Variants in TXNDC12 observed in about 807,000 individuals in gnomAD.
TXNDC12 encodes thioredoxin domain-containing protein 12.
Under a neutral mutation model 24.2 loss-of-function variants are expected in TXNDC12, and 22 were observed. The observed-to-expected ratio is 0.91, with a 90% CI of 0.65 to 1.30. The LOEUF (loss-of-function observed/expected upper bound fraction) is 1.30, where lower values mean the gene tolerates loss of function less well. Ranked by LOEUF, TXNDC12 falls within the 50% of genes most tolerant of loss-of-function variation. The pLI is 0.00. For missense variants in TXNDC12, 184 were observed against 205.8 expected, an observed-to-expected ratio of 0.89 and a Z score of 0.65; for synonymous variants, 58 against 73.4, an observed-to-expected ratio of 0.79 and a Z score of 1.07.
intron 2 of TXNDC12, among the ~76,000 whole-genome samples, chr1:52,029,680 C>T (rs1189562388): frequency 6.6e-6 from 1 of 152,230 alleles, no homozygotes; most frequent in Non-Finnish European, 1.5e-5. Context: ...ATATCCTTTA[C>T]ATCTGACACA....
rs3075033 is a variant in TXNDC12, at chr1:52,042,464, C to CTTTT, written c.98-871_98-868dup. Among the ~76,000 whole-genome samples the CTTTT allele has an allele frequency of 2.1e-5, 3 of 140,644 alleles. No homozygotes were observed. The East Asian group carries it at 6.1e-4, about 29-fold the overall frequency. The allele number at this position is 140,644 out of a possible 152,430, so 92.3% of individuals were successfully genotyped here. ...ATATACACCCTATACTATACTTTCA[C>CTTTT]TTTTTTTTTTTTTTTTGAGATAGAG... is the stretch of plus-strand genomic sequence containing the variant. On this transcript the variant is annotated intron_variant, in intron 1 of 6. Transcript: ENST00000371626.
chr1:52,037,077 T>C (rs1163137119), intron 2 of TXNDC12, among the ~76,000 whole-genome samples: 1 of 152,186 alleles, frequency 6.6e-6, no homozygotes, highest in Non-Finnish European at 1.5e-5. Flanking sequence ...TTCTCTTTAT[T>C]GCAGTTCTCT....
intron 1 of TXNDC12, among the ~76,000 whole-genome samples, chr1:52,044,853 T>A (rs1428859282): frequency 1.3e-5 from 2 of 151,904 alleles, no homozygotes; most frequent in Admixed American, 1.3e-4. Context: ...TGCAAGCCAA[T>A]AGTCCCAGCT....
Position 52,028,629 on chromosome 1 carries a change from C to G in TXNDC12, c.160G>C (p.Gly54Arg). 6.2e-7 allele frequency: 1 copy of G among 1,608,750 alleles called. No individual in the cohort carries two copies. Among genetic ancestry groups the G allele is most frequent in the Non-Finnish European group, 8.5e-7 (1 of 1,178,134 alleles). Reference sequence around the variant, plus strand: ...TGAATAATCACCATCAGGGGCAGTCCACTTAAAAGCAAAACAAAGAAATTA... The same window carrying G: ...TGAATAATCACCATCAGGGGCAGTCGACTTAAAAGCAAAACAAAGAAATTA... ...EDGKKEAAAS[G>R]LPLMVIIHKS... Residue 54 changes from glycine (G) to arginine (R), a missense_variant and splice_region_variant, in exon 3 of 7, where the codon GGA becomes CGA. Gly to Arg is a moderately radical substitution (Grantham distance 125). Coordinates refer to ENST00000371626, the MANE Select transcript of TXNDC12 (RefSeq NM_015913.4).
rs372033675 is a variant in TXNDC12 at position 52,044,940 on chromosome 1, A to G, written c.98-3343T>C. 5.3e-5 allele frequency among the ~76,000 whole-genome samples: 8 copies of G among 151,168 alleles called. No individual in the cohort carries two copies. The East Asian group carries it at 1.2e-3, about 22-fold the overall frequency. On this transcript the variant is annotated intron_variant, in intron 1 of 6. Coordinates refer to ENST00000371626, the MANE Select transcript of TXNDC12 (RefSeq NM_015913.4). ...CAGTGAGTTGAGATCACGCCACCAC[A>G]CTCCAGCCTGGGTGACAGAGCAAGA...
rs555193307 is a variant in TXNDC12 at position 52,038,618 on chromosome 1, T to C, written c.158+2919A>G. 2.0e-5 allele frequency among the ~76,000 whole-genome samples: 3 copies of C among 152,304 alleles called. No homozygotes were observed. The South Asian group carries it at 6.2e-4, about 32-fold the overall frequency. ...ACACTGCGCCCAGCCTGTCTTGACA[T>C]TTTTTAAGCCAAACCTCTTTCTAAA... is the stretch of plus-strand genomic sequence containing the variant. On this transcript the variant is annotated intron_variant, in intron 2 of 6. Coordinates refer to ENST00000371626, the MANE Select transcript of TXNDC12 (RefSeq NM_015913.4).
intron 6 of TXNDC12, 67 bp downstream of exon 6, chr1:52,023,424 G>GACCTTGCATGTGGTTCATCCTAGTTCA: frequency 7.8e-7 from 1 of 1,287,752 alleles, no homozygotes; most frequent in South Asian, 1.2e-5. Flanking sequence ...TCCTATCACA[G>GACCTTGCATGTGGTTCATCCTAGTTCA]ACCTTGCATG....
intron 1 of TXNDC12, among the ~76,000 whole-genome samples, chr1:52,050,053 A>T (rs951049753): frequency 6.6e-6 from 1 of 152,218 alleles, no homozygotes; most frequent in Non-Finnish European, 1.5e-5. Context: ...ACTAAGTGGC[A>T]GAGCTGGGAC....
At chr1:52,036,803 C>G (rs145865746) in intron 2 of TXNDC12, among the ~76,000 whole-genome samples, 274 of 152,324 alleles carry the variant, frequency 1.8e-3, no homozygotes, top group African/African-American at 6.2e-3. Flanking sequence ...ATCTTCTGTT[C>G]ATTCCTCTGG....
Position 52,020,275 on chromosome 1 carries a change from G to A in TXNDC12, c.*658C>T. 2.8e-6 allele frequency: 1 copy of A among 357,578 alleles called. No homozygotes were observed. Among genetic ancestry groups the A allele is most frequent in the Non-Finnish European group, 5.5e-6 (1 of 181,828 alleles). The allele number at this position is 357,578 out of a possible 1,614,324, so 22.2% of individuals were successfully genotyped here. On this transcript the variant is annotated 3_prime_UTR_variant, in exon 7 of 7. Transcript: ENST00000371626. ...TTTGAGTTTCTCCAACAGTAACAAG[G>A]GAAAGCATGCTTCCACCTGGAGCCG...
chr1:52,023,837 A>AATATAAC (rs1289161121), intron 5 of TXNDC12, among the ~76,000 whole-genome samples: 3 of 152,216 alleles, frequency 2.0e-5, no homozygotes, highest in African/African-American at 7.2e-5. Flanking sequence ...TTGTGGAAAG[A>AATATAAC]CATTTATCTG....
At chr1:52,032,626 A>G (rs1459127078) in intron 2 of TXNDC12, 53 of 1,527,668 alleles carry the variant, frequency 3.5e-5, no homozygotes, top group Non-Finnish European at 4.6e-5. Context: ...GGAGACCTGC[A>G]GCCTATTTTT....
chr1:52,052,069 C>T (rs1686216839), intron 1 of TXNDC12, among the ~76,000 whole-genome samples: 1 of 152,168 alleles, frequency 6.6e-6, no homozygotes, highest in Non-Finnish European at 1.5e-5. Flanking sequence ...ATTGAATCCT[C>T]CCAACCCAGC....
At chr1:52,024,347 G>A (rs1057057742) in intron 5 of TXNDC12, among the ~76,000 whole-genome samples, 163 bp downstream of exon 5, 1 of 152,128 alleles carries the variant, frequency 6.6e-6, no homozygotes, top group African/African-American at 2.4e-5. Flanking sequence ...TTTTCCTTCA[G>A]ACTTGTAGTT....
intron 1 of TXNDC12, among the ~76,000 whole-genome samples, chr1:52,048,621 C>T (rs1005046823): frequency 1.3e-5 from 2 of 152,096 alleles, no homozygotes; most frequent in African/African-American, 4.8e-5. Context: ...AATCCCATTA[C>T]TTTGGGAGGC....
chr1:52,037,190 G>A lies in TXNDC12; in HGVS notation c.158+4347C>T, dbSNP rs148596719. ...AGTAGCTGATTTAAATATTGTGTTTGGAGGCAAATAGACCACCTTTTTTTT... is the reference window on the plus strand; with the variant it reads ...AGTAGCTGATTTAAATATTGTGTTTAGAGGCAAATAGACCACCTTTTTTTT... On this transcript the variant is annotated intron_variant, in intron 2 of 6. Transcript: ENST00000371626. 8.8e-3 allele frequency among the ~76,000 whole-genome samples: 1,329 copies of A among 150,332 alleles called. 13 individuals carry two copies. The highest frequency in any genetic ancestry group is 0.015 in the Non-Finnish European group (1,016 of 67,746).
chr1:52,029,528 T>A (rs926753767), intron 2 of TXNDC12, among the ~76,000 whole-genome samples: 2 of 152,206 alleles, frequency 1.3e-5, no homozygotes, highest in African/African-American at 4.8e-5. Flanking sequence ...GCTTTCTCCA[T>A]CACACAACCC....
intron 2 of TXNDC12, chr1:52,032,591 G>C (rs1685783465): frequency 2.0e-6 from 3 of 1,480,042 alleles, no homozygotes; most frequent in East Asian, 4.6e-5. Context: ...AACAGCTCTA[G>C]TACAGTACTG....
At chr1:52,054,216 GA>G (rs11424215) in intron 1 of TXNDC12, among the ~76,000 whole-genome samples, 112 of 143,392 alleles carry the variant, frequency 7.8e-4, no homozygotes, top group East Asian at 1.6e-3. Flanking sequence ...TAAGGTCAGT[GA>G]AAAAAAAAAA....
Sources: allele counts gnomAD v4.1 joint callset (sites outside exome capture counted in the v4.1 genomes callset), GRCh38; gene constraint gnomAD v4.1.1; transcripts MANE v1.5; gene names NCBI Gene and HGNC (gene_info 2026-07-23, HGNC 2026-07-21).